Variants in SH3BP4 observed in about 807,000 individuals in gnomAD.
SH3BP4 encodes the protein SH3 domain-binding protein 4.
A neutral mutation model predicts 65.5 loss-of-function variants in SH3BP4; 33 were observed. The observed-to-expected ratio is 0.50, with a 90% CI of 0.38 to 0.67. The LOEUF is 0.67. SH3BP4 is among the 30% of genes least tolerant of loss of function. The pLI is 0.00. For synonymous variants in SH3BP4, 552 were observed against 545.5 expected (o/e 1.01, Z -0.17); for missense variants, 1,134 against 1,261.4 (o/e 0.90, Z 1.53).
At chr2:234,996,256 T>C (rs566609594) in intron 2 of SH3BP4, among the ~76,000 whole-genome samples, 3 of 152,312 alleles carry the variant, frequency 2.0e-5, no homozygotes, top group African/African-American at 4.8e-5. Flanking sequence ...CTGGGCCACG[T>C]TGGAATTTTA....
chr2:234,992,932 T>A (rs1693797377), intron 1 of SH3BP4, among the ~76,000 whole-genome samples: 1 of 151,704 alleles, frequency 6.6e-6, no homozygotes, highest in African/African-American at 2.4e-5. Flanking sequence ...GATGGACACA[T>A]TCCTGCCATG....
chr2:234,999,635 G>C (rs1373840665), intron 2 of SH3BP4, among the ~76,000 whole-genome samples: 5 of 152,116 alleles, frequency 3.3e-5, no homozygotes, highest in Admixed American at 2.6e-4. Context: ...CAATTTCCTT[G>C]GGCCTCAGTT....
intron 4 of SH3BP4, among the ~76,000 whole-genome samples, chr2:235,047,021 T>G (rs1208169834): frequency 6.6e-6 from 1 of 152,158 alleles, no homozygotes; most frequent in Admixed American, 6.5e-5. Context: ...TGGTGTCAGC[T>G]GAAGAATGAC....
intron 3 of SH3BP4, among the ~76,000 whole-genome samples, chr2:235,036,890 A>C (rs1026993989): frequency 1.3e-5 from 2 of 151,954 alleles, no homozygotes; most frequent in Non-Finnish European, 2.9e-5. Flanking sequence ...GTGTTTTGAG[A>C]ATCTGAGGTG....
intron 1 of SH3BP4, among the ~76,000 whole-genome samples, chr2:234,953,354 A>C (rs79399203): frequency 6.6e-6 from 1 of 152,114 alleles, no homozygotes; most frequent in East Asian, 1.9e-4. Flanking sequence ...TCTTGCCTAA[A>C]CCAGAGAATC....
At chr2:235,019,433 ATTTTTTTTT>A (rs564639628) in intron 2 of SH3BP4, among the ~76,000 whole-genome samples, 2 of 129,162 alleles carry the variant, frequency 1.5e-5, no homozygotes, top group Admixed American at 1.6e-4. Flanking sequence ...GGAAGGGCGA[ATTTTTTTTT>A]TTTTTTTTTT....
At chr2:235,029,689 C>G (rs1695116284) in intron 2 of SH3BP4, among the ~76,000 whole-genome samples, 1 of 152,148 alleles carries the variant, frequency 6.6e-6, no homozygotes. Flanking sequence ...CATAATGAAC[C>G]TTCGGGAGCT....
Position 235,041,689 on chromosome 2 carries a change from CT to C in SH3BP4, c.921del (p.Gly308ValfsTer49). ...CHDLDLLGQS[P>X]GWGQTQAVET... ...GACCTGGACTTGCTTGGCCAAAGCC[CT>C]GGTTGGGGCCAGACCCAAGCCGTGG... On this transcript the variant is annotated frameshift_variant, in exon 4 of 6. Transcript: ENST00000392011. LOFTEE classifies it high-confidence loss of function. This position sits in a 1 kb window ranked among gnomAD's most constrained non-coding sequence, Gnocchi z 6.0. 1 of 1,613,262 alleles carries C rather than the reference CT, an allele frequency of 6.2e-7. No homozygotes were observed. Among genetic ancestry groups the C allele is most frequent in the South Asian group, 1.1e-5 (1 of 91,036 alleles).
intron 5 of SH3BP4, 107 bp from the exon 6 acceptor site, chr2:235,053,485 A>G: frequency 1.3e-6 from 1 of 797,748 alleles, no homozygotes; most frequent in Non-Finnish European, 2.1e-6. Context: ...GAGTGTCCCA[A>G]ATAGTGACTA....
rs1361685542 is a variant in SH3BP4, at chr2:235,046,350, C to G, written c.2478+3103C>G. Among the ~76,000 whole-genome samples, 1 of 152,126 alleles carries G rather than the reference C, an allele frequency of 6.6e-6. No homozygotes were observed. On this transcript the variant is annotated intron_variant, in intron 4 of 5. Coordinates refer to ENST00000392011, the MANE Select transcript of SH3BP4 (RefSeq NM_014521.3). This position sits in a 1 kb window ranked among gnomAD's most constrained non-coding sequence, Gnocchi z 4.2. ...TTGGGAGGCTGAGACAGGAGAATCG[C>G]TTGAGCCCGGGAATTCAAGACCAGC...
At chr2:234,969,888 C>G (rs1692937152) in intron 1 of SH3BP4, among the ~76,000 whole-genome samples, 1 of 151,446 alleles carries the variant, frequency 6.6e-6, no homozygotes, top group Non-Finnish European at 1.5e-5. Flanking sequence ...CTCTCGCTGT[C>G]TCTCACACAC....
At chr2:234,955,328 A>G (rs541628944) in intron 1 of SH3BP4, among the ~76,000 whole-genome samples, 1 of 152,268 alleles carries the variant, frequency 6.6e-6, no homozygotes, top group Admixed American at 6.5e-5. Context: ...AGCTATTTGC[A>G]CGAAAGAAGC....
At chr2:235,022,325 G>A (rs762478680) in intron 2 of SH3BP4, among the ~76,000 whole-genome samples, 4 of 152,054 alleles carry the variant, frequency 2.6e-5, no homozygotes, top group South Asian at 4.1e-4. Flanking sequence ...AGGCCGAGGC[G>A]GGCAGATCAC....
In SH3BP4 at chr2:234,978,074, G is replaced by T. The variant is rs1693227152; in HGVS notation, c.-206-17229G>T. On this transcript the variant is annotated intron_variant, in intron 1 of 5. Transcript: ENST00000392011. The surrounding 1 kb of genome is among the most constrained non-coding windows in gnomAD (Gnocchi z 4.1). ...GGGTTTAAGCAATTCTCCTGCCTCAGCCTCCCGAGTAGCTGGGATTACAGG... is the reference window on the plus strand; with the variant it reads ...GGGTTTAAGCAATTCTCCTGCCTCATCCTCCCGAGTAGCTGGGATTACAGG... Among the ~76,000 whole-genome samples, 1 of 152,154 alleles carries T rather than the reference G, an allele frequency of 6.6e-6. No homozygotes were observed. Among genetic ancestry groups the T allele is most frequent in the Admixed American group, 6.5e-5 (1 of 15,274 alleles).
intron 2 of SH3BP4, among the ~76,000 whole-genome samples, chr2:235,018,804 C>T (rs568142583): frequency 2.0e-5 from 3 of 152,212 alleles, no homozygotes; most frequent in South Asian, 4.1e-4. Context: ...AGTTTGTTCA[C>T]GGAGCTTACC....
chr2:234,965,677 A>G (rs1030662287), intron 1 of SH3BP4, among the ~76,000 whole-genome samples: 10 of 152,118 alleles, frequency 6.6e-5, no homozygotes, highest in African/African-American at 2.2e-4. Flanking sequence ...TGGGATCGTT[A>G]TTCTGGGAAG....
chr2:235,049,309 C>T (rs72987446), intron 4 of SH3BP4, among the ~76,000 whole-genome samples: 31,747 of 152,110 alleles, frequency 0.21, 3,671 homozygotes, highest in East Asian at 0.42. Flanking sequence ...TTTGATCACT[C>T]GCACCAGGAA....
At chr2:234,964,846 C>T (rs1390175476) in intron 1 of SH3BP4, among the ~76,000 whole-genome samples, 3 of 152,038 alleles carry the variant, frequency 2.0e-5, no homozygotes, top group Non-Finnish European at 4.4e-5. Flanking sequence ...TGAAAGGGGC[C>T]GGGTGACCTG....
intron 1 of SH3BP4, among the ~76,000 whole-genome samples, chr2:234,984,725 A>G (rs1279616141): frequency 6.6e-6 from 1 of 152,150 alleles, no homozygotes. Context: ...TGTGTCGTGG[A>G]CAGAAAACCC....
Sources: gnomAD v4.1 joint callset for allele counts (sites outside exome capture counted in the v4.1 genomes callset) on GRCh38, gnomAD v4.1.1 for gene constraint, Gnocchi (gnomAD v3.1) non-coding constraint, MANE v1.5 for transcripts, NCBI Gene and HGNC (gene_info 2026-07-23, HGNC 2026-07-21) for gene names.